Variants in GRB7 observed in about 807,000 individuals in gnomAD.
GRB7 encodes growth factor receptor-bound protein 7.
In GRB7, 47 loss-of-function variants were observed where a neutral mutation model predicts 64.1. The ratio of observed to expected loss-of-function variants is 0.73; its 90% CI spans 0.58 to 0.94. The LOEUF (loss-of-function observed/expected upper bound fraction) is 0.94. Ranked by LOEUF, GRB7 falls within the 40% of genes least tolerant of loss-of-function variation. The pLI, the probability that GRB7 is intolerant of heterozygous loss-of-function variation, is 0.00. For synonymous variants in GRB7, 277 were observed against 279.9 expected, an observed-to-expected ratio of 0.99 and a Z score of 0.10; for missense variants, 634 against 718.4, an observed-to-expected ratio of 0.88 and a Z score of 1.34.
chr17:39,746,907 G>C lies in GRB7; in HGVS notation c.*10G>C. On this transcript the variant is annotated 3_prime_UTR_variant, in exon 15 of 15. Transcript: ENST00000309156. The stretch of plus-strand genomic sequence containing the variant: ...GCGGGTGGCCCTCTGACCAGGCCGT[G>C]GACTGGCTCATGCCTCAGCCCGCCT... 6.2e-7 allele frequency: 1 copy of C among 1,601,006 alleles called. No individual in the cohort carries two copies. The highest frequency in any genetic ancestry group is 8.5e-7 in the Non-Finnish European group (1 of 1,177,074).
chr17:39,745,921 C>T lies in GRB7; in HGVS notation c.1279C>T (p.Arg427Cys), dbSNP rs1398749290. 5.0e-6 allele frequency: 8 copies of T among 1,613,986 alleles called. No individual in the cohort carries two copies. Among genetic ancestry groups the T allele is most frequent in the East Asian group, 2.2e-5 (1 of 44,872 alleles). ...SGTSLSAAIH[R>C]TQLWFHGRIS... The stretch of plus-strand genomic sequence containing the variant: ...GTCCTTCCCCACCACAGCCATCCAC[C>T]GCACCCAACTCTGGTTCCACGGGCG... Residue 427 changes from arginine (R) to cysteine (C), a missense_variant, in exon 13 of 15, where the codon CGC becomes TGC. By Grantham distance (180) the Arg-to-Cys change is radical. Around this residue, in one of 2 missense-constraint regions of GRB7, gnomAD observed 467 missense variants for 576.6 expected, o/e 0.81. Coordinates refer to ENST00000309156, the MANE Select transcript of GRB7 (RefSeq NM_005310.5).
chr17:39,747,055 G>A lies in GRB7; in HGVS notation c.*158G>A. 1.3e-6 allele frequency: 1 copy of A among 775,332 alleles called. No homozygotes were observed. The highest frequency in any genetic ancestry group is 2.0e-6 in the Non-Finnish European group (1 of 498,002). The allele number at this position is 775,332 out of a possible 1,614,324, so 48.0% of individuals were successfully genotyped here. On this transcript the variant is annotated 3_prime_UTR_variant, in exon 15 of 15. Coordinates refer to ENST00000309156, the MANE Select transcript of GRB7 (RefSeq NM_005310.5). ...CTCCTCTGCTTCTTTGCCTCCCTCA[G>A]ATAGAAAACAGCCCCCACTCCAGTC...
intron 1 of GRB7, chr17:39,740,218 T>G (rs2059983539): frequency 1.1e-6 from 1 of 951,914 alleles, no homozygotes; most frequent in Non-Finnish European, 1.3e-6. Context: ...TGTGTTCTGG[T>G]ATTGAGGTGC....
At position 39,744,122 on chromosome 17, in the gene GRB7, G is replaced by A. The variant is rs751867727; in HGVS notation, c.716G>A (p.Arg239Gln). The A allele has an allele frequency of 1.5e-5, 25 of 1,614,026 alleles. No individual in the cohort carries two copies. The highest frequency in any genetic ancestry group is 2.2e-5 in the East Asian group (1 of 44,898). Residue 239 changes from arginine (R) to glutamine (Q), a missense_variant, in exon 7 of 15, where the codon CGG becomes CAG. Physicochemically the swap from Arg to Gln is conservative, Grantham distance 43 (BLOSUM62 1). Coordinates refer to ENST00000309156, the MANE Select transcript of GRB7 (RefSeq NM_005310.5). ...FPEIQGFLQL[R>Q]GSGRKLWKRF... is the part of the protein sequence containing the mutation. ...GAGATCCAGGGCTTTCTGCAGCTGC[G>A]GGGTTCAGGACGGAAGCTTTGGAAA...
At position 39,742,909 on chromosome 17, in the gene GRB7, G is replaced by A. The variant is rs1393776268; in HGVS notation, c.318G>A (p.Val106=). The change falls in exon 4 of 15, where the codon GTG becomes GTA. Residue 106 remains valine, a synonymous_variant. Coordinates refer to ENST00000309156, the MANE Select transcript of GRB7 (RefSeq NM_005310.5). ...TTCCTGGGGCGCAGGTAGTAAAGGT[G>A]TACAGTGAGGATGGGGCCTGCAGGT... ...RDASRPHVVK[V]YSEDGACRSV... is the part of the protein sequence containing the mutation. 2 of 1,599,952 alleles carry A rather than the reference G, an allele frequency of 1.3e-6. No homozygotes were observed. Among genetic ancestry groups the A allele is most frequent in the Non-Finnish European group, 1.7e-6 (2 of 1,172,680 alleles).
At chr17:39,742,539 C>T (rs1203947438) in intron 2 of GRB7, 27 bp from the exon 3 acceptor site, 3 of 1,613,660 alleles carry the variant, frequency 1.9e-6, no homozygotes, top group African/African-American at 1.3e-5. Flanking sequence ...TTCCCCACAC[C>T]TCTCTCCCTT....
intron 1 of GRB7, among the ~76,000 whole-genome samples, chr17:39,739,538 A>T (rs868725605): frequency 6.6e-6 from 1 of 152,358 alleles, no homozygotes; most frequent in Middle Eastern, 3.4e-3. Flanking sequence ...CTCTCCCGCC[A>T]CATCCAGGCC....
Position 39,746,870 on chromosome 17 carries a change from C to T in GRB7, c.1572C>T (p.Arg524=), listed in dbSNP as rs2060052607. 1.2e-6 allele frequency: 2 copies of T among 1,611,968 alleles called. No homozygotes were observed. Among genetic ancestry groups the T allele is most frequent in the African/African-American group, 2.7e-5 (2 of 74,950 alleles). ...LNRGILPCLL[R]HCCTRVAL ...GCGGCATCCTGCCGTGCTTGCTGCGCCATTGCTGCACGCGGGTGGCCCTCT... is the reference window on the plus strand; with the variant it reads ...GCGGCATCCTGCCGTGCTTGCTGCGTCATTGCTGCACGCGGGTGGCCCTCT... The change falls in exon 15 of 15, where the codon CGC becomes CGT. Residue 524 remains arginine, a synonymous_variant. Transcript: ENST00000309156.
chr17:39,746,587 G>T (rs1373694524), intron 14 of GRB7, among the ~76,000 whole-genome samples, 164 bp from the exon 15 acceptor site: 1 of 150,886 alleles, frequency 6.6e-6, no homozygotes, highest in African/African-American at 2.4e-5. Flanking sequence ...CCACACTCCA[G>T]CCTGGATGAC....
In GRB7 at chr17:39,743,253, C is replaced by T. The variant is rs149753893; in HGVS notation, c.537C>T (p.Phe179=). ...GGCCCGTGGGCGGAGATAGCCGCTT[C>T]GTCTTCCGGAAAAACTTCGCCAAGT... ...AAWPVGGDSR[F]VFRKNFAKYE... The change falls in exon 5 of 15, where the codon TTC becomes TTT. Residue 179 remains phenylalanine (F), a synonymous_variant. Transcript: ENST00000309156. The T allele has an allele frequency of 1.9e-5, 31 of 1,614,056 alleles. No homozygotes were observed. The highest frequency in any genetic ancestry group is 1.9e-4 in the African/African-American group (14 of 74,928).
chr17:39,741,997 A>G (rs1007776717), intron 1 of GRB7, among the ~76,000 whole-genome samples: 3 of 137,268 alleles, frequency 2.2e-5, no homozygotes, highest in African/African-American at 2.6e-5. Flanking sequence ...AAAAAAGGAG[A>G]AAAAAAACAG....
chr17:39,739,862 G>A, intron 1 of GRB7: 1 of 315,252 alleles, frequency 3.2e-6, no homozygotes, highest in Non-Finnish European at 4.6e-6. Context: ...AAGCTGCCAG[G>A]CCCACAGCCA....
intron 7 of GRB7, 61 bp downstream of exon 7, chr17:39,744,268 C>T (rs1270260644): frequency 1.3e-6 from 2 of 1,590,280 alleles, no homozygotes; most frequent in Non-Finnish European, 1.7e-6. Context: ...AGAAGTTGCC[C>T]CTTCTCTGCT....
At position 39,743,002 on chromosome 17, in the gene GRB7, C is replaced by G; in HGVS notation, c.411C>G (p.Ala137=). Residue 137 remains alanine (A), a synonymous_variant, in exon 4 of 15, where the codon GCC becomes GCG. Transcript: ENST00000309156. ...VCEMLVQRAH[A]LSDETWGLVE... is the part of the protein sequence containing the mutation. ...AAATGCTGGTGCAGCGAGCTCACGCCTTGAGCGACGAGACCTGGGGGCTGG... is the reference window on the plus strand; with the variant it reads ...AAATGCTGGTGCAGCGAGCTCACGCGTTGAGCGACGAGACCTGGGGGCTGG... The G allele has an allele frequency of 1.2e-6, 2 of 1,612,830 alleles. No individual in the cohort carries two copies. The highest frequency in any genetic ancestry group is 1.7e-6 in the Non-Finnish European group (2 of 1,179,272).
At chr17:39,740,029 G>C in intron 1 of GRB7, 1 of 985,384 alleles carries the variant, frequency 1.0e-6, no homozygotes, top group Non-Finnish European at 1.2e-6. Context: ...AATGTGATTT[G>C]AATCTACTTC....
intron 1 of GRB7, chr17:39,739,902 T>G: frequency 7.5e-6 from 5 of 669,888 alleles, no homozygotes; most frequent in Non-Finnish European, 9.2e-6. Flanking sequence ...GCTCACCCCA[T>G]TGGTCTTGAC....
At chr17:39,739,091 T>C (rs942692275) in intron 1 of GRB7, 4 of 535,056 alleles carry the variant, frequency 7.5e-6, no homozygotes, top group African/African-American at 2.0e-5. Flanking sequence ...CCGGTCTGGG[T>C]CTCCCTGGCA....
At chr17:39,744,262 G>A in intron 7 of GRB7, 55 bp downstream of exon 7, 1 of 1,599,286 alleles carries the variant, frequency 6.3e-7, no homozygotes, top group Non-Finnish European at 8.5e-7. Context: ...CCTTTTAGAA[G>A]TTGCCCCTTC....
chr17:39,745,597 C>G, intron 11 of GRB7, 59 bp downstream of exon 11: 1 of 1,568,258 alleles, frequency 6.4e-7, no homozygotes, highest in South Asian at 1.1e-5. Context: ...GGGTGGGATC[C>G]CTGAAATAGG....
Sources: allele counts gnomAD v4.1 joint callset (sites outside exome capture counted in the v4.1 genomes callset), GRCh38; gene constraint gnomAD v4.1.1; regional missense constraint gnomAD v4.1.1; transcripts MANE v1.5; gene names NCBI Gene and HGNC (gene_info 2026-07-23, HGNC 2026-07-21).